HDAC4: variants seen among roughly 807,000 people sequenced by gnomAD.
HDAC4 encodes the protein histone deacetylase 4, also known as histone deacetylase A.
HDAC4 carries 16 observed loss-of-function variants against 135.1 expected under a neutral mutation model. The ratio of observed to expected loss-of-function variants is 0.12; its 90% CI spans 0.08 to 0.18. The LOEUF is 0.18. Ranked by LOEUF, HDAC4 falls within the 10% of genes least tolerant of loss-of-function variation. The pLI, the probability that HDAC4 is intolerant of heterozygous loss-of-function variation, is 1.00. For missense variants in HDAC4, 1,143 were observed against 1,511.8 expected, an observed-to-expected ratio of 0.76 and a Z score of 4.05; for synonymous variants, 685 against 653.4, an observed-to-expected ratio of 1.05 and a Z score of -0.74.
intron 18 of HDAC4, among the ~76,000 whole-genome samples, chr2:239,089,065 T>G (rs1180780085): frequency 6.6e-6 from 1 of 151,654 alleles, no homozygotes; most frequent in Non-Finnish European, 1.5e-5. Context: ...GGCCACGATT[T>G]GATTTCAGAT....
intron 12 of HDAC4, among the ~76,000 whole-genome samples, chr2:239,120,437 AG>A (rs2039568511): frequency 2.1e-5 from 1 of 47,460 alleles, no homozygotes; most frequent in South Asian, 1.7e-3. Context: ...ATGCACAAAT[AG>A]ACAGACATGC....
At chr2:239,224,502 C>T (rs879707697) in intron 3 of HDAC4, among the ~76,000 whole-genome samples, 7 of 152,032 alleles carry the variant, frequency 4.6e-5, no homozygotes, top group East Asian at 2.0e-4. Flanking sequence ...ACCAGGTCTT[C>T]GGCCTGCAAA....
At position 239,392,404 on chromosome 2, in the gene HDAC4, T is replaced by C. The variant is rs77329700; in HGVS notation, c.-220+8574A>G. 5.8e-3 allele frequency among the ~76,000 whole-genome samples: 889 copies of C among 152,322 alleles called. 9 individuals are homozygous for C. Among genetic ancestry groups the C allele is most frequent in the African/African-American group, 0.02 (830 of 41,584 alleles). ...AAAGAATGGGGACTGTGACCACCTA[T>C]GAGGATTTTTTCAGTGCAAAATCTG... On this transcript the variant is annotated intron_variant, in intron 1 of 26. Transcript: ENST00000543185.
intron 2 of HDAC4, among the ~76,000 whole-genome samples, chr2:239,316,427 C>T (rs147680741): frequency 7.0e-4 from 107 of 152,188 alleles, no homozygotes; most frequent in African/African-American, 2.5e-3. Context: ...CAGCAAGACC[C>T]CATCTCTACA....
intron 7 of HDAC4, among the ~76,000 whole-genome samples, chr2:239,150,495 C>T (rs1484205750): frequency 4.6e-5 from 7 of 152,202 alleles, no homozygotes; most frequent in African/African-American, 1.7e-4. Context: ...GGTACACACA[C>T]AGATATACAC....
chr2:239,124,987 G>A (rs1000719795), intron 12 of HDAC4, among the ~76,000 whole-genome samples: 12 of 150,002 alleles, frequency 8.0e-5, no homozygotes, highest in Admixed American at 4.7e-4. Context: ...GTGTGGCCGC[G>A]TTATATGACA....
chr2:239,084,075 CCT>C, intron 20 of HDAC4, 78 bp downstream of exon 20: 1 of 972,530 alleles, frequency 1.0e-6, no homozygotes, highest in South Asian at 1.4e-5. Context: ...GAGCCCAGCT[CCT>C]CTGTCCACAC....
At chr2:239,132,282 T>C (rs1023188757) in intron 11 of HDAC4, among the ~76,000 whole-genome samples, 2 of 152,044 alleles carry the variant, frequency 1.3e-5, no homozygotes, top group African/African-American at 4.8e-5. Context: ...CTTCCCAGGG[T>C]CATGGAGCAG....
intron 6 of HDAC4, among the ~76,000 whole-genome samples, chr2:239,163,095 G>GA (rs1559538321): frequency 1.3e-4 from 18 of 136,238 alleles, no homozygotes; most frequent in Non-Finnish European, 1.9e-4. Context: ...ACTCTCCCCC[G>GA]AAGGCCTTCT....
rs1490896014 is a variant in HDAC4 at position 239,308,306 on chromosome 2, G to A, written c.22+44372C>T. ...GGTCACTTTCTTCCTCATCAAGCTG[G>A]CCCCCTGGTGACACGGGACAAGAGG... On this transcript the variant is annotated intron_variant, in intron 2 of 26. Transcript: ENST00000543185. The surrounding 1 kb of genome is among the most constrained non-coding windows in gnomAD (Gnocchi z 4.2). Among the ~76,000 whole-genome samples, 2 of 152,114 alleles carry A rather than the reference G, an allele frequency of 1.3e-5. No homozygotes were observed. Among genetic ancestry groups the A allele is most frequent in the Non-Finnish European group, 2.9e-5 (2 of 68,030 alleles).
Position 239,139,773 on chromosome 2 carries a change from C to T in HDAC4, c.889G>A (p.Gly297Ser). 1 of 1,614,058 alleles carries T rather than the reference C, an allele frequency of 6.2e-7. No individual in the cohort carries two copies. The highest frequency in any genetic ancestry group is 8.5e-7 in the Non-Finnish European group (1 of 1,179,980). Residue 297 changes from glycine (G) to serine (S), a missense_variant, in exon 9 of 27, where the codon GGC (glycine) becomes AGC (serine). Physicochemically the swap from Gly to Ser is moderately conservative, Grantham distance 56. Coordinates refer to ENST00000543185, the MANE Select transcript of HDAC4 (RefSeq NM_001378414.1). The surrounding 1 kb of genome is among the most constrained non-coding windows in gnomAD (Gnocchi z 5.3). ...TTGTTGGGTGAGCTGGGTCCGGAGC[C>T]TGGGGCGCTGCTGCACGCGGAGTCT... ...VTDSACSSAP[G>S]SGPSSPNNSS... is the part of the protein sequence containing the mutation.
intron 24 of HDAC4, among the ~76,000 whole-genome samples, chr2:239,056,978 AAAG>A (rs2031949588): frequency 6.6e-6 from 1 of 152,212 alleles, no homozygotes; most frequent in Non-Finnish European, 1.5e-5. Context: ...GACTGAGAAA[AAAG>A]ACACGAAATG....
At chr2:239,152,922 A>G (rs999836878) in intron 7 of HDAC4, among the ~76,000 whole-genome samples, 17 of 152,316 alleles carry the variant, frequency 1.1e-4, no homozygotes, top group African/African-American at 4.1e-4. Context: ...ATTAATTCAC[A>G]TCTCATGATA....
At chr2:239,122,285 A>C (rs1048272826) in intron 12 of HDAC4, among the ~76,000 whole-genome samples, 6 of 152,184 alleles carry the variant, frequency 3.9e-5, no homozygotes, top group African/African-American at 1.4e-4. Flanking sequence ...TTGAGAAGCA[A>C]GGCTTCTTGC....
intron 2 of HDAC4, among the ~76,000 whole-genome samples, chr2:239,302,447 C>A: frequency 6.6e-6 from 1 of 152,256 alleles, no homozygotes; most frequent in East Asian, 1.9e-4. Flanking sequence ...TCCAGATTAG[C>A]AAAACCCCTT....
chr2:239,301,855 G>A, intron 2 of HDAC4, among the ~76,000 whole-genome samples: 1 of 152,178 alleles, frequency 6.6e-6, no homozygotes, highest in East Asian at 1.9e-4. Context: ...TGTGATTCCT[G>A]AATGGTAAAA....
intron 1 of HDAC4, among the ~76,000 whole-genome samples, chr2:239,387,730 C>A (rs11124196): frequency 6.6e-6 from 1 of 151,968 alleles, no homozygotes; most frequent in African/African-American, 2.4e-5. Context: ...GCAGCTGGAA[C>A]GTGGCTCCAC....
At chr2:239,120,385 A>ACAC (rs1575098904) in intron 12 of HDAC4, among the ~76,000 whole-genome samples, 1 of 151,040 alleles carries the variant, frequency 6.6e-6, no homozygotes, top group Non-Finnish European at 1.5e-5. Context: ...CCGCAGAGGC[A>ACAC]CACACAGACG....
intron 3 of HDAC4, among the ~76,000 whole-genome samples, chr2:239,217,289 A>T (rs1348431740): frequency 6.6e-6 from 1 of 152,224 alleles, no homozygotes; most frequent in Non-Finnish European, 1.5e-5. Flanking sequence ...AAGCGACCAG[A>T]TCTTCAAACC....
Sources: allele counts gnomAD v4.1 joint callset (sites outside exome capture counted in the v4.1 genomes callset), GRCh38; gene constraint gnomAD v4.1.1; non-coding constraint Gnocchi (gnomAD v3.1); transcripts MANE v1.5; gene names NCBI Gene and HGNC (gene_info 2026-07-23, HGNC 2026-07-21).